Variants in GNAL observed in about 807,000 individuals in gnomAD.
GNAL encodes the protein G protein subunit alpha L.
A neutral mutation model predicts 55.1 loss-of-function variants in GNAL; 18 were observed. The observed-to-expected ratio is 0.33, with a 90% CI of 0.23 to 0.48. The LOEUF is 0.48. Among genes scored for constraint, GNAL ranks in the 20% least tolerant of loss-of-function variants. The probability of loss-of-function intolerance (pLI) is 0.99; values close to 1 mark genes in which losing one functional copy is unlikely to be tolerated. For missense variants in GNAL, 412 were observed against 614.1 expected (o/e 0.67, Z 3.48); for synonymous variants, 253 against 237.0 (o/e 1.07, Z -0.62).
chr18:11,742,326 T>C (rs1439016114), intron 1 of GNAL, among the ~76,000 whole-genome samples: 1 of 152,138 alleles, frequency 6.6e-6, no homozygotes, highest in Non-Finnish European at 1.5e-5. Flanking sequence ...GGATATATAT[T>C]AGTTCTATTC....
At chr18:11,726,691 G>C (rs1196031996) in intron 1 of GNAL, among the ~76,000 whole-genome samples, 4 of 152,152 alleles carry the variant, frequency 2.6e-5, no homozygotes, top group Non-Finnish European at 5.9e-5. Flanking sequence ...CTGTTGCTCT[G>C]TTAATACCCT....
chr18:11,867,986 G>A (rs1243524690), intron 8 of GNAL, among the ~76,000 whole-genome samples: 5 of 151,946 alleles, frequency 3.3e-5, no homozygotes, highest in African/African-American at 1.2e-4. Flanking sequence ...TTAGCCGGGT[G>A]TTATGGCGCA....
intron 1 of GNAL, among the ~76,000 whole-genome samples, chr18:11,702,856 T>A (rs1598402222): frequency 6.7e-6 from 1 of 150,142 alleles, no homozygotes; most frequent in African/African-American, 2.4e-5. Flanking sequence ...GATGGCTCAC[T>A]CCTGCAATCC....
At chr18:11,851,221 G>A (rs1181065162) in intron 5 of GNAL, among the ~76,000 whole-genome samples, 3 of 152,220 alleles carry the variant, frequency 2.0e-5, no homozygotes, top group Non-Finnish European at 4.4e-5. Context: ...CGGGTAGAAC[G>A]CAGCGCAGGA....
At chr18:11,845,283 G>A (rs1208764445) in intron 5 of GNAL, among the ~76,000 whole-genome samples, 1 of 152,128 alleles carries the variant, frequency 6.6e-6, no homozygotes, top group Admixed American at 6.6e-5. Context: ...TACGCCAGAC[G>A]CAATCCTGTC....
At chr18:11,775,706 T>G (rs1334668965) in intron 4 of GNAL, among the ~76,000 whole-genome samples, 2 of 152,112 alleles carry the variant, frequency 1.3e-5, no homozygotes, top group African/African-American at 4.8e-5. Flanking sequence ...GGGGGCAAAT[T>G]CCCAGGGGTT....
At chr18:11,756,992 C>T (rs929423529) in intron 4 of GNAL, among the ~76,000 whole-genome samples, 1 of 152,056 alleles carries the variant, frequency 6.6e-6, no homozygotes, top group Non-Finnish European at 1.5e-5. Context: ...ACTTTTGAAA[C>T]AAATACATTA....
intron 4 of GNAL, among the ~76,000 whole-genome samples, chr18:11,756,523 T>C (rs1163447507): frequency 1.3e-5 from 2 of 151,132 alleles, no homozygotes; most frequent in African/African-American, 4.8e-5. Context: ...ATTTTATATA[T>C]ATATTTATGT....
rs2032873032 is a variant in GNAL at position 11,752,327 on chromosome 18, A to G, written c.377-526A>G. 1 of 1,478,092 alleles carries G rather than the reference A, an allele frequency of 6.8e-7. No individual in the cohort carries two copies. The highest frequency in any genetic ancestry group is 2.6e-5 in the Admixed American group (1 of 38,846). 91.6% of individuals were successfully genotyped at this position (1,478,092 alleles called of 1,614,324 possible). On this transcript the variant is annotated intron_variant, in intron 1 of 11. Coordinates refer to ENST00000334049, the MANE Select transcript of GNAL (RefSeq NM_182978.4). The surrounding 1 kb of genome is among the most constrained non-coding windows in gnomAD (Gnocchi z 4.5). ...CCGAAGAGACCAGACCATCTCTTTC[A>G]GCAGCAGGAAAGAGAGGAGCCGTCG...
chr18:11,734,099 G>A (rs903650587), intron 1 of GNAL, among the ~76,000 whole-genome samples: 74 of 151,602 alleles, frequency 4.9e-4, no homozygotes, highest in Non-Finnish European at 1.0e-3. Context: ...GTGGTTTCTC[G>A]ATGGAACTGG....
At position 11,840,141 on chromosome 18, in the gene GNAL, A is replaced by C. The variant is rs1156465116; in HGVS notation, c.722+15126A>C. Among the ~76,000 whole-genome samples, 5 of 152,330 alleles carry C rather than the reference A, an allele frequency of 3.3e-5. No homozygotes were observed. In the East Asian group the frequency reaches 9.6e-4, roughly 29 times the overall value. On this transcript the variant is annotated intron_variant, in intron 5 of 11. Coordinates refer to ENST00000334049, the MANE Select transcript of GNAL (RefSeq NM_182978.4). ...CTGACTTAAGGAACTCTCCACACAA[A>C]TAGAATTTCCATTTACTTACAATTT...
intron 4 of GNAL, chr18:11,810,325 G>T (rs1321193290): frequency 6.6e-6 from 1 of 152,328 alleles, no homozygotes; most frequent in Non-Finnish European, 1.5e-5. Context: ...GCCCAAAGGG[G>T]CGGAGGTTGC....
At chr18:11,841,453 C>G (rs887939681) in intron 5 of GNAL, among the ~76,000 whole-genome samples, 1 of 152,084 alleles carries the variant, frequency 6.6e-6, no homozygotes, top group East Asian at 1.9e-4. Context: ...CAAGACCAGC[C>G]TGGCCAAAAT....
At chr18:11,698,562 C>T (rs951824980) in intron 1 of GNAL, among the ~76,000 whole-genome samples, 2 of 150,526 alleles carry the variant, frequency 1.3e-5, no homozygotes, top group Admixed American at 6.6e-5. Context: ...CTGGTGGGTG[C>T]AGGAGGCTTC....
At chr18:11,703,795 GCACACACACACACACACACA>G (rs35455680) in intron 1 of GNAL, among the ~76,000 whole-genome samples, 111 of 141,496 alleles carry the variant, frequency 7.8e-4, no homozygotes, top group Admixed American at 2.0e-3. Context: ...GTGTTGATGG[GCACACACACACACACACACA>G]CACACACACA....
intron 1 of GNAL, among the ~76,000 whole-genome samples, chr18:11,704,737 TC>T (rs1221958449): frequency 5.3e-5 from 8 of 152,164 alleles, no homozygotes; most frequent in African/African-American, 1.9e-4. Flanking sequence ...TTTTACTCGT[TC>T]CTGTGAAATT....
intron 1 of GNAL, among the ~76,000 whole-genome samples, chr18:11,696,346 CA>C (rs11288353): frequency 0.35 from 53,481 of 150,770 alleles, 13,006 homozygotes; most frequent in African/African-American, 0.7. Flanking sequence ...ACTAAAAATA[CA>C]AAAAAAAATT....
At chr18:11,770,171 T>C (rs192824800) in intron 4 of GNAL, among the ~76,000 whole-genome samples, 46 of 152,312 alleles carry the variant, frequency 3.0e-4, no homozygotes, top group Non-Finnish European at 5.4e-4. Context: ...TTGTACATTT[T>C]TAATTGAGTT....
At chr18:11,822,027 T>C (rs1176314568) in intron 4 of GNAL, among the ~76,000 whole-genome samples, 1 of 152,228 alleles carries the variant, frequency 6.6e-6, no homozygotes, top group Non-Finnish European at 1.5e-5. Flanking sequence ...GATAGGAGCC[T>C]CAGTTTCTCC....
Sources: gnomAD v4.1 joint callset for allele counts (sites outside exome capture counted in the v4.1 genomes callset) on GRCh38, gnomAD v4.1.1 for gene constraint, Gnocchi (gnomAD v3.1) non-coding constraint, MANE v1.5 for transcripts, NCBI Gene and HGNC (gene_info 2026-07-23, HGNC 2026-07-21) for gene names.